ASAP2: variants seen among roughly 807,000 people sequenced by gnomAD.
ASAP2 encodes ArfGAP with SH3 domain, ankyrin repeat and PH domain 2, also known as arf-GAP with SH3 domain, ANK repeat and PH domain-containing protein 2.
Under a neutral mutation model 131.4 loss-of-function variants are expected in ASAP2, and 45 were observed. The ratio of observed to expected loss-of-function variants is 0.34; its 90% CI spans 0.27 to 0.44. The LOEUF (loss-of-function observed/expected upper bound fraction) is 0.44, where lower values mean the gene tolerates loss of function less well. ASAP2 is among the 20% of genes least tolerant of loss of function. The probability of loss-of-function intolerance (pLI) is 1.00; values close to 1 mark genes in which losing one functional copy is unlikely to be tolerated. For missense variants in ASAP2, 1,011 were observed against 1,297.0 expected (o/e 0.78, Z 3.39); for synonymous variants, 510 against 503.0 (o/e 1.01, Z -0.19).
rs554504930 is a variant in ASAP2 at position 9,334,379 on chromosome 2, G to A, written c.687-359G>A. Reference sequence around the variant, plus strand: ...CCTCTGCATTCCTTTTCTTTTCCATGTCGCGGTCGCCTGTTGCGGCACATT... The same window carrying A: ...CCTCTGCATTCCTTTTCTTTTCCATATCGCGGTCGCCTGTTGCGGCACATT... On this transcript the variant is annotated intron_variant, in intron 7 of 27. Coordinates refer to ENST00000281419, the MANE Select transcript of ASAP2 (RefSeq NM_003887.3). Among the ~76,000 whole-genome samples, 4 of 151,908 alleles carry A rather than the reference G, an allele frequency of 2.6e-5. No individual in the cohort carries two copies. In the South Asian group the frequency reaches 8.3e-4, roughly 32 times the overall value.
chr2:9,237,833 A>G (rs1663664497), intron 1 of ASAP2, among the ~76,000 whole-genome samples: 1 of 152,214 alleles, frequency 6.6e-6, no homozygotes, highest in African/African-American at 2.4e-5. Context: ...TGATTTGCAG[A>G]GCAGTTGTCT....
At chr2:9,214,777 T>TAAA (rs34474684) in intron 1 of ASAP2, among the ~76,000 whole-genome samples, 4 of 103,080 alleles carry the variant, frequency 3.9e-5, no homozygotes, top group Non-Finnish European at 6.3e-5. Context: ...CCTGGACGTC[T>TAAA]AAAAAAAAAA....
chr2:9,400,190 G>GCCCTCCTGCCCCTC, intron 25 of ASAP2, 118 bp downstream of exon 25: 1 of 804,966 alleles, frequency 1.2e-6, no homozygotes, highest in Non-Finnish European at 1.8e-6. Flanking sequence ...CCATTCCACA[G>GCCCTCCTGCCCCTC]CCCTCCTGCC....
chr2:9,296,019 C>G (rs1668130089), intron 2 of ASAP2, among the ~76,000 whole-genome samples: 1 of 152,180 alleles, frequency 6.6e-6, no homozygotes, highest in South Asian at 2.1e-4. Flanking sequence ...GGTCTCATTT[C>G]CCCGAGAAGG....
At chr2:9,323,058 A>C in intron 5 of ASAP2, 63 bp from the exon 6 acceptor site, 1 of 1,604,400 alleles carries the variant, frequency 6.2e-7, no homozygotes, top group South Asian at 1.1e-5. Context: ...GGGTGGCTTC[A>C]AGGCTGTCCC....
At chr2:9,286,441 A>ATATATATATATATATAT (rs1175112143) in intron 2 of ASAP2, among the ~76,000 whole-genome samples, 14 of 130,190 alleles carry the variant, frequency 1.1e-4, no homozygotes, top group African/African-American at 4.5e-4. Flanking sequence ...AAAAAGGAAA[A>ATATATATATATATATAT]AAAAAAATAT....
chr2:9,206,902 G>T lies in ASAP2; in HGVS notation c.-203G>T, dbSNP rs1269835882. ...CGGAGCCCTCGGCGCGCAGGCGGGC[G>T]GACCGGCCGAGCTGCGCGGGGCTGC... On this transcript the variant is annotated 5_prime_UTR_variant, in exon 1 of 28. Transcript: ENST00000281419. The surrounding 1 kb of genome is among the most constrained non-coding windows in gnomAD (Gnocchi z 4.0). 4.4e-6 allele frequency: 1 copy of T among 225,984 alleles called. No homozygotes were observed. The highest frequency in any genetic ancestry group is 7.2e-6 in the Non-Finnish European group (1 of 138,880). The allele number at this position is 225,984 out of a possible 1,614,324, so 14.0% of individuals were successfully genotyped here.
chr2:9,385,673 T>C (rs532689371), intron 21 of ASAP2, among the ~76,000 whole-genome samples: 6 of 152,076 alleles, frequency 3.9e-5, no homozygotes, highest in Admixed American at 3.9e-4. Flanking sequence ...TGCTATGGAG[T>C]CATGTCATAA....
chr2:9,350,625 G>A (rs1046244679), intron 11 of ASAP2, 183 bp from the exon 12 acceptor site: 2 of 509,752 alleles, frequency 3.9e-6, no homozygotes, highest in Non-Finnish European at 7.0e-6. Context: ...CCTCTGTGGA[G>A]ATGAAGTTCA....
chr2:9,238,228 G>A (rs138797986), intron 1 of ASAP2, among the ~76,000 whole-genome samples: 2 of 152,170 alleles, frequency 1.3e-5, no homozygotes, highest in Non-Finnish European at 2.9e-5. Context: ...TATTTGTTCT[G>A]TTTTTAAAAC....
At chr2:9,292,466 C>T (rs771405689) in intron 2 of ASAP2, among the ~76,000 whole-genome samples, 5 of 152,014 alleles carry the variant, frequency 3.3e-5, no homozygotes, top group East Asian at 1.9e-4. Flanking sequence ...TGCAGTGAGC[C>T]GAGATTGCAC....
intron 1 of ASAP2, among the ~76,000 whole-genome samples, chr2:9,225,983 C>T (rs1293778219): frequency 2.0e-5 from 3 of 152,188 alleles, no homozygotes; most frequent in Admixed American, 6.5e-5. Context: ...GCCTGGAAGG[C>T]GCCCATGAGC....
chr2:9,399,931 C>A, intron 24 of ASAP2, 92 bp from the exon 25 acceptor site: 3 of 1,332,702 alleles, frequency 2.3e-6, no homozygotes, highest in Non-Finnish European at 3.2e-6. Context: ...ACACTCTGAG[C>A]TTGAACTCAG....
intron 24 of ASAP2, among the ~76,000 whole-genome samples, chr2:9,397,780 A>G (rs1232702832): frequency 6.5e-5 from 4 of 61,804 alleles, no homozygotes; most frequent in Admixed American, 4.6e-4. Flanking sequence ...TTTTTTTGAG[A>G]CGGAGTCTCG....
At chr2:9,259,839 C>T (rs1432401870) in intron 1 of ASAP2, among the ~76,000 whole-genome samples, 1 of 152,238 alleles carries the variant, frequency 6.6e-6, no homozygotes, top group Non-Finnish European at 1.5e-5. Context: ...GCTAAATGCC[C>T]CCCATGTCTC....
At chr2:9,339,284 G>C (rs926329767) in intron 9 of ASAP2, among the ~76,000 whole-genome samples, 9 of 152,084 alleles carry the variant, frequency 5.9e-5, no homozygotes, top group Admixed American at 5.2e-4. Context: ...TGCCTGGGGA[G>C]CTGTCTAGCA....
intron 3 of ASAP2, among the ~76,000 whole-genome samples, chr2:9,305,361 G>T (rs1379020199): frequency 4.1e-5 from 6 of 147,236 alleles, no homozygotes; most frequent in Admixed American, 6.8e-5. Context: ...TATTGGAGGG[G>T]CTGGAGCAGT....
At position 9,404,188 on chromosome 2, in the gene ASAP2, T is replaced by G. The variant is rs1323943326; in HGVS notation, c.*861T>G. 2.0e-5 allele frequency: 3 copies of G among 152,214 alleles called. No homozygotes were observed. Among genetic ancestry groups the G allele is most frequent in the East Asian group, 1.9e-4 (1 of 5,194 alleles). 9.4% of individuals were successfully genotyped at this position (152,214 alleles called of 1,614,324 possible). ...TTCTGTGGCGCAGACCATGCTGTATTAACACATCACTTGCTGTTTCCTACT... is the reference window on the plus strand; with the variant it reads ...TTCTGTGGCGCAGACCATGCTGTATGAACACATCACTTGCTGTTTCCTACT... On this transcript the variant is annotated 3_prime_UTR_variant, in exon 28 of 28. Transcript: ENST00000281419.
intron 3 of ASAP2, among the ~76,000 whole-genome samples, chr2:9,308,306 A>G (rs1669081214): frequency 6.6e-6 from 1 of 152,194 alleles, no homozygotes; most frequent in African/African-American, 2.4e-5. Flanking sequence ...AGGGGCAAGA[A>G]TGAGGCGGGA....
Sources: allele counts gnomAD v4.1 joint callset (sites outside exome capture counted in the v4.1 genomes callset), GRCh38; gene constraint gnomAD v4.1.1; non-coding constraint Gnocchi (gnomAD v3.1); transcripts MANE v1.5; gene names NCBI Gene and HGNC (gene_info 2026-07-23, HGNC 2026-07-21).